The following TTC39B variants were observed in gnomAD, a reference collection of about 807,000 sequenced individuals.
TTC39B encodes tetratricopeptide repeat protein 39B.
In TTC39B, 92 loss-of-function variants were observed where a neutral mutation model predicts 96.6. The observed-to-expected ratio is 0.95, with a 90% CI of 0.80 to 1.13. The LOEUF is 1.13. TTC39B is among the 50% of genes most tolerant of loss of function. The probability of loss-of-function intolerance (pLI) is 0.00; values close to 1 mark genes in which losing one functional copy is unlikely to be tolerated. For synonymous variants in TTC39B, 367 were observed against 299.4 expected, an observed-to-expected ratio of 1.23 and a Z score of -2.33; for missense variants, 955 against 809.3, an observed-to-expected ratio of 1.18 and a Z score of -2.18.
exon 20 of TTC39B, chr9:15,171,339 G>C (rs538953590): frequency 1.3e-5 from 2 of 152,090 alleles, no homozygotes; most frequent in Non-Finnish European, 2.9e-5. Flanking sequence ...AGATACACAG[G>C]GGTTTTGAAT....
intron 1 of TTC39B, among the ~76,000 whole-genome samples, chr9:15,286,956 T>C (rs1206462672): frequency 1.3e-5 from 2 of 152,204 alleles, no homozygotes; most frequent in Non-Finnish European, 2.9e-5. Context: ...AAAATTCTAA[T>C]ACCTAGAACT....
At chr9:15,236,734 A>G (rs1364178679) in intron 2 of TTC39B, among the ~76,000 whole-genome samples, 2 of 152,232 alleles carry the variant, frequency 1.3e-5, no homozygotes, top group East Asian at 1.9e-4. Context: ...TTGGGTAAAC[A>G]ATGAAATTAA....
chr9:15,286,457 G>A (rs1395968007), intron 1 of TTC39B, among the ~76,000 whole-genome samples: 1 of 152,188 alleles, frequency 6.6e-6, no homozygotes, highest in Non-Finnish European at 1.5e-5. Context: ...CCTCCTAAGG[G>A]CATTTATATC....
chr9:15,271,800 T>C (rs1477032019), intron 1 of TTC39B, among the ~76,000 whole-genome samples: 1 of 152,226 alleles, frequency 6.6e-6, no homozygotes, highest in Admixed American at 6.5e-5. Flanking sequence ...CCTCAAATAC[T>C]GTTTGGATCA....
intron 2 of TTC39B, among the ~76,000 whole-genome samples, chr9:15,262,444 T>C (rs1032273735): frequency 6.6e-6 from 1 of 152,204 alleles, no homozygotes; most frequent in African/African-American, 2.4e-5. Flanking sequence ...TACTAACATT[T>C]TTGTACATCT....
At chr9:15,218,164 G>A (rs901831666) in intron 3 of TTC39B, among the ~76,000 whole-genome samples, 7 of 114,160 alleles carry the variant, frequency 6.1e-5, no homozygotes, top group African/African-American at 2.1e-4. Flanking sequence ...GCGAGACTCT[G>A]TCTCAAAAAA....
intron 1 of TTC39B, among the ~76,000 whole-genome samples, chr9:15,270,685 T>C (rs997185787): frequency 6.7e-6 from 1 of 150,268 alleles, no homozygotes; most frequent in African/African-American, 2.5e-5. Flanking sequence ...GAGGCTGAGG[T>C]AGAAGGATGG....
At chr9:15,256,178 T>C (rs1220560724) in intron 2 of TTC39B, among the ~76,000 whole-genome samples, 1 of 151,978 alleles carries the variant, frequency 6.6e-6, no homozygotes, top group East Asian at 1.9e-4. Context: ...CCCTTTTTCC[T>C]TCTTCTTTTT....
chr9:15,248,200 TTTCCC>T (rs1469486833), intron 2 of TTC39B, among the ~76,000 whole-genome samples: 2 of 152,162 alleles, frequency 1.3e-5, no homozygotes, highest in South Asian at 4.1e-4. Context: ...ACATAGCCAA[TTTCCC>T]TTCCTCTTCC....
chr9:15,210,810 G>A (rs541122787), intron 5 of TTC39B, among the ~76,000 whole-genome samples: 1 of 145,806 alleles, frequency 6.9e-6, no homozygotes, highest in African/African-American at 2.8e-5. Flanking sequence ...TTTTGATAGG[G>A]TCTTCCTATA....
At chr9:15,216,541 C>T (rs980410121) in intron 3 of TTC39B, among the ~76,000 whole-genome samples, 3 of 152,164 alleles carry the variant, frequency 2.0e-5, no homozygotes, top group Non-Finnish European at 4.4e-5. Context: ...AAGAAAGTTG[C>T]CTGACACCTC....
At chr9:15,283,076 T>C (rs1351429579) in intron 1 of TTC39B, among the ~76,000 whole-genome samples, 1 of 152,094 alleles carries the variant, frequency 6.6e-6, no homozygotes, top group Non-Finnish European at 1.5e-5. Flanking sequence ...ATAAGGCATA[T>C]CTATAAGCTC....
At chr9:15,219,525 T>A (rs1820723324) in intron 3 of TTC39B, among the ~76,000 whole-genome samples, 1 of 152,166 alleles carries the variant, frequency 6.6e-6, no homozygotes, top group African/African-American at 2.4e-5. Flanking sequence ...AATAATCATA[T>A]CCCCTCACCC....
chr9:15,244,789 A>G (rs1057341004), intron 2 of TTC39B, among the ~76,000 whole-genome samples: 5 of 152,198 alleles, frequency 3.3e-5, no homozygotes, highest in African/African-American at 1.2e-4. Flanking sequence ...TCAGATGTAG[A>G]GCAAATACAG....
intron 1 of TTC39B, among the ~76,000 whole-genome samples, chr9:15,275,717 G>A (rs989852318): frequency 2.0e-5 from 3 of 152,104 alleles, no homozygotes; most frequent in African/African-American, 7.2e-5. Context: ...TATAAGGTAA[G>A]GCCCCAAGGT....
rs1352392139 is a variant in TTC39B at position 15,278,877 on chromosome 9, GA to G, written c.241-10930del. 4.6e-5 allele frequency among the ~76,000 whole-genome samples: 7 copies of G among 152,272 alleles called. No individual in the cohort carries two copies. In the East Asian group the frequency reaches 1.3e-3, roughly 29 times the overall value. ...AGCAACAATAACAGGTAACACTATT[GA>G]GTGCCAAACATTGCTCAGAATCCTT... On this transcript the variant is annotated intron_variant, in intron 1 of 19. Transcript: ENST00000512701.
exon 9 of TTC39B, chr9:15,192,695 T>C: frequency 6.2e-7 from 1 of 1,610,844 alleles, no homozygotes; most frequent in Non-Finnish European, 8.5e-7. Context: ...AAAGACATTC[T>C]CTGGGTTGAA....
intron 11 of TTC39B, 41 bp downstream of exon 11, chr9:15,190,513 G>A (rs1276414570): frequency 1.1e-5 from 18 of 1,568,854 alleles, no homozygotes; most frequent in Non-Finnish European, 1.6e-5. Flanking sequence ...GTCTGGCCAA[G>A]ACAATCAATG....
At chr9:15,232,599 A>G (rs653805) in intron 2 of TTC39B, among the ~76,000 whole-genome samples, 74,437 of 152,090 alleles carry the variant, frequency 0.49, 18,630 homozygotes, top group East Asian at 0.75. Flanking sequence ...AGATCCAAGA[A>G]AAGGTTGAAA....
Sources: allele counts gnomAD v4.1 joint callset (sites outside exome capture counted in the v4.1 genomes callset), GRCh38; gene constraint gnomAD v4.1.1; transcripts MANE v1.5; gene names NCBI Gene and HGNC (gene_info 2026-07-23, HGNC 2026-07-21).